NTNG1: variants seen among roughly 807,000 people sequenced by gnomAD.
NTNG1 encodes the protein netrin G1, also known as netrin-G1.
NTNG1 carries 16 observed loss-of-function variants against 54.0 expected under a neutral mutation model. That is an observed-to-expected ratio of 0.30 (90% CI 0.20 to 0.45). The LOEUF is 0.45. NTNG1 is among the 20% of genes least tolerant of loss of function. The probability of loss-of-function intolerance (pLI) is 1.00; values close to 1 mark genes in which losing one functional copy is unlikely to be tolerated. For missense variants in NTNG1, 530 were observed against 678.7 expected, an observed-to-expected ratio of 0.78 and a Z score of 2.43; for synonymous variants, 255 against 263.1, an observed-to-expected ratio of 0.97 and a Z score of 0.30.
chr1:107,331,528 G>C (rs1410099275), intron 3 of NTNG1, among the ~76,000 whole-genome samples: 1 of 151,754 alleles, frequency 6.6e-6, no homozygotes, highest in African/African-American at 2.4e-5. Context: ...TTTTTCCATG[G>C]GGAGACAAAA....
chr1:107,379,857 A>G (rs1187346287), intron 3 of NTNG1, among the ~76,000 whole-genome samples: 2 of 152,202 alleles, frequency 1.3e-5, no homozygotes, highest in African/African-American at 4.8e-5. Context: ...AGCATTTTGG[A>G]CTTGAGATAG....
rs150448958 is a variant in NTNG1 at position 107,148,319 on chromosome 1, A to G, written c.-275A>G. 76 of 377,936 alleles carry G rather than the reference A, an allele frequency of 2.0e-4. No homozygotes were observed. The highest frequency in any genetic ancestry group is 1.3e-3 in the African/African-American group (63 of 48,730). The allele number at this position is 377,936 out of a possible 1,614,324, so 23.4% of individuals were successfully genotyped here. A position where few individuals can be genotyped will look rare whatever the true frequency, so the allele number is the denominator to read the frequency against. The stretch of plus-strand genomic sequence containing the variant: ...GAGTCTAATAGATATGTTCTAAGAC[A>G]AAGAAAAAGCTGCAAGTTGTTAACG... On this transcript the variant is annotated 5_prime_UTR_variant, in exon 2 of 8. Transcript: ENST00000370068.
At chr1:107,295,073 C>T (rs1336553689) in intron 2 of NTNG1, among the ~76,000 whole-genome samples, 4 of 152,156 alleles carry the variant, frequency 2.6e-5, no homozygotes, top group African/African-American at 4.8e-5. Flanking sequence ...ATGGATTTTA[C>T]ACTGTGTTCA....
intron 2 of NTNG1, among the ~76,000 whole-genome samples, chr1:107,274,925 A>G (rs547826146): frequency 9.2e-5 from 14 of 152,258 alleles, no homozygotes; most frequent in African/African-American, 3.4e-4. Context: ...ACTTTCTCCA[A>G]TTCTGGAATA....
chr1:107,295,720 G>GTATA (rs531794918), intron 2 of NTNG1, among the ~76,000 whole-genome samples: 2 of 150,906 alleles, frequency 1.3e-5, no homozygotes, highest in South Asian at 2.1e-4. Context: ...TGCATAGAAA[G>GTATA]TATATATATA....
chr1:107,258,134 A>G (rs748222916), intron 2 of NTNG1, among the ~76,000 whole-genome samples: 1 of 151,750 alleles, frequency 6.6e-6, no homozygotes, highest in Non-Finnish European at 1.5e-5. Flanking sequence ...AGGATCATCT[A>G]TGTTTGGGTT....
intron 2 of NTNG1, among the ~76,000 whole-genome samples, chr1:107,191,556 T>G (rs1453361439): frequency 6.6e-6 from 1 of 152,156 alleles, no homozygotes; most frequent in Non-Finnish European, 1.5e-5. Flanking sequence ...TTTTTATGGT[T>G]TTAGGTCTAA....
At chr1:107,262,489 G>A (rs953070134) in intron 2 of NTNG1, among the ~76,000 whole-genome samples, 2 of 152,200 alleles carry the variant, frequency 1.3e-5, no homozygotes, top group African/African-American at 4.8e-5. Context: ...AGTGATCAAC[G>A]AAGGAGTTTA....
chr1:107,285,596 T>C (rs1263304811), intron 2 of NTNG1, among the ~76,000 whole-genome samples: 1 of 152,174 alleles, frequency 6.6e-6, no homozygotes, highest in Non-Finnish European at 1.5e-5. Context: ...CAATCAGCAA[T>C]TTTATTTGTG....
intron 3 of NTNG1, among the ~76,000 whole-genome samples, chr1:107,333,453 A>G (rs1668396866): frequency 6.6e-6 from 1 of 152,060 alleles, no homozygotes; most frequent in African/African-American, 2.4e-5. Flanking sequence ...ATATTCATAT[A>G]TTAAAGACCC....
At chr1:107,409,341 A>G (rs994418401) in intron 5 of NTNG1, 1 of 152,250 alleles carries the variant, frequency 6.6e-6, no homozygotes, top group Non-Finnish European at 1.5e-5. Flanking sequence ...AGTTTCAGAA[A>G]TGGATGGATG....
chr1:107,229,725 C>G (rs1660931181), intron 2 of NTNG1, among the ~76,000 whole-genome samples: 1 of 147,504 alleles, frequency 6.8e-6, no homozygotes, highest in Non-Finnish European at 1.5e-5. Flanking sequence ...CTTTTGGGCA[C>G]TTTTTTTTTT....
intron 2 of NTNG1, among the ~76,000 whole-genome samples, chr1:107,312,157 G>GAAATATATTTTTAAAAA: frequency 1.3e-5 from 2 of 152,174 alleles, no homozygotes; most frequent in East Asian, 3.9e-4. Context: ...TAATTCAGAA[G>GAAATATATTTTTAAAAA]AAATATATTT....
chr1:107,390,843 TA>T (rs1237254348), intron 3 of NTNG1, among the ~76,000 whole-genome samples: 1 of 152,134 alleles, frequency 6.6e-6, no homozygotes. Context: ...ACTTATCCTC[TA>T]GTGAGGATGA....
intron 7 of NTNG1, among the ~76,000 whole-genome samples, chr1:107,439,571 C>T (rs1229737597): frequency 1.3e-5 from 2 of 152,068 alleles, no homozygotes; most frequent in East Asian, 3.9e-4. Flanking sequence ...ATAAATTTAA[C>T]ATCGTCCAAA....
chr1:107,390,433 G>A (rs1382323057), intron 3 of NTNG1, among the ~76,000 whole-genome samples: 1 of 152,076 alleles, frequency 6.6e-6, no homozygotes, highest in Non-Finnish European at 1.5e-5. Context: ...TTCAAACATT[G>A]TTTAAGAAGC....
intron 2 of NTNG1, among the ~76,000 whole-genome samples, chr1:107,253,551 C>A (rs935312737): frequency 2.6e-5 from 4 of 152,172 alleles, no homozygotes; most frequent in Admixed American, 1.3e-4. Context: ...GGCTCTATTT[C>A]TCATTTCATT....
chr1:107,212,563 T>C (rs1226537509), intron 2 of NTNG1, among the ~76,000 whole-genome samples: 7 of 152,186 alleles, frequency 4.6e-5, no homozygotes, highest in Admixed American at 4.6e-4. Context: ...TAATTCAGTG[T>C]CACTGAACAT....
At chr1:107,338,780 A>ATTCTC (rs1668736736) in intron 3 of NTNG1, among the ~76,000 whole-genome samples, 1 of 151,868 alleles carries the variant, frequency 6.6e-6, no homozygotes, top group South Asian at 2.1e-4. Flanking sequence ...ACCACAGAGA[A>ATTCTC]TAGGGTTCTG....
Sources: gnomAD v4.1 joint callset for allele counts (sites outside exome capture counted in the v4.1 genomes callset) on GRCh38, gnomAD v4.1.1 for gene constraint, MANE v1.5 for transcripts, NCBI Gene and HGNC (gene_info 2026-07-23, HGNC 2026-07-21) for gene names.